The following FOXN3 variants were observed in gnomAD, a reference collection of about 807,000 sequenced individuals.
The protein encoded by FOXN3 is forkhead box protein N3.
Under a neutral mutation model 38.4 loss-of-function variants are expected in FOXN3, and 7 were observed. That is an observed-to-expected ratio of 0.18 (90% confidence interval 0.10 to 0.34). The LOEUF is 0.34. Among genes scored for constraint, FOXN3 ranks in the 10% least tolerant of loss-of-function variants. FOXN3 has a pLI of 1.00. For synonymous variants in FOXN3, 230 were observed against 242.2 expected (o/e 0.95, Z 0.47); for missense variants, 456 against 613.4 (o/e 0.74, Z 2.71).
At chr14:89,491,495 T>C (rs1002615674) in intron 1 of FOXN3, among the ~76,000 whole-genome samples, 1 of 152,172 alleles carries the variant, frequency 6.6e-6, no homozygotes, top group African/African-American at 2.4e-5. Context: ...CTTTCAAGTA[T>C]GGTCAGGGCA....
chr14:89,267,387 G>A (rs1886016460), intron 4 of FOXN3, among the ~76,000 whole-genome samples: 1 of 152,216 alleles, frequency 6.6e-6, no homozygotes. Flanking sequence ...GAAAGACAGG[G>A]AAGCAGCTGC....
At chr14:89,465,259 CTTGCTCT>C (rs1892952957) in intron 1 of FOXN3, among the ~76,000 whole-genome samples, 1 of 152,062 alleles carries the variant, frequency 6.6e-6, no homozygotes, top group South Asian at 2.1e-4. Flanking sequence ...AAGACAGAGT[CTTGCTCT>C]GTTGCCAGGC....
chr14:89,241,942 T>C (rs766652152), intron 4 of FOXN3, among the ~76,000 whole-genome samples: 6 of 152,176 alleles, frequency 3.9e-5, no homozygotes, highest in Non-Finnish European at 5.9e-5. Flanking sequence ...ACGTTTTTTC[T>C]CCATGCTGCT....
intron 3 of FOXN3, among the ~76,000 whole-genome samples, chr14:89,304,678 G>A (rs1290042239): frequency 6.6e-6 from 1 of 152,070 alleles, no homozygotes; most frequent in Non-Finnish European, 1.5e-5. Context: ...TAAGGATAAA[G>A]CAGAGTATGG....
At chr14:89,418,448 C>CT (rs1408200359), upstream of FOXN3, among the ~76,000 whole-genome samples, 1 of 115,170 alleles carries the variant, frequency 8.7e-6, no homozygotes, top group Non-Finnish European at 1.6e-5. Context: ...TTCCCCCTAA[C>CT]AAAGGTTCAA....
chr14:89,275,349 A>G (rs1212627564), intron 4 of FOXN3, among the ~76,000 whole-genome samples: 2 of 152,186 alleles, frequency 1.3e-5, no homozygotes. Flanking sequence ...ATCAAAATCC[A>G]TTCTGACCTA....
chr14:89,190,671 A>C (rs538466564), intron 4 of FOXN3, among the ~76,000 whole-genome samples: 44 of 152,348 alleles, frequency 2.9e-4, no homozygotes, highest in Admixed American at 2.9e-3. Flanking sequence ...ATTTTTCATC[A>C]CACAAGCATG....
intron 1 of FOXN3, among the ~76,000 whole-genome samples, chr14:89,513,444 T>C (rs531781660): frequency 1.3e-5 from 2 of 152,134 alleles, no homozygotes; most frequent in East Asian, 3.9e-4. Flanking sequence ...CTCACTATGT[T>C]GCCCAGGCTG....
At chr14:89,271,549 T>C (rs1245036524) in intron 4 of FOXN3, among the ~76,000 whole-genome samples, 2 of 152,238 alleles carry the variant, frequency 1.3e-5, no homozygotes, top group African/African-American at 2.4e-5. Flanking sequence ...CATCTGTCTA[T>C]CTACTAATAT....
intron 2 of FOXN3, among the ~76,000 whole-genome samples, chr14:89,378,013 C>T (rs1255692001): frequency 6.6e-6 from 1 of 152,204 alleles, no homozygotes. Flanking sequence ...CTGCTGACAC[C>T]TTGATCTTGG....
intron 4 of FOXN3, among the ~76,000 whole-genome samples, chr14:89,213,503 T>G (rs1291771904): frequency 6.6e-6 from 1 of 152,170 alleles, no homozygotes; most frequent in African/African-American, 2.4e-5. Context: ...TGTCCCTCTC[T>G]CCCCTTTTTG....
At position 89,513,905 on chromosome 14, in the gene FOXN3, T is replaced by TACAC. The variant is rs58182379; in HGVS notation, c.-14-101419_-14-101416dup. 4.7e-3 allele frequency among the ~76,000 whole-genome samples: 706 copies of TACAC among 149,602 alleles called. 6 individuals carry two copies. Among genetic ancestry groups the TACAC allele is most frequent in the African/African-American group, 0.016 (651 of 40,488 alleles). ...TCTCTCTTTCCTTCTCTTTCTCTCT[T>TACAC]ACACACACACACACACACACACACG... On this transcript the variant is annotated intron_variant, in intron 1 of 6. Transcript: ENST00000345097.
intron 1 of FOXN3, among the ~76,000 whole-genome samples, chr14:89,579,150 AT>A (rs35744248): frequency 0.46 from 58,104 of 127,320 alleles, 15,150 homozygotes; most frequent in Middle Eastern, 0.62. Context: ...ATGCCCAGCC[AT>A]TTTTTTTTTT....
At chr14:89,334,751 G>A (rs1225099510) in intron 3 of FOXN3, among the ~76,000 whole-genome samples, 1 of 151,678 alleles carries the variant, frequency 6.6e-6, no homozygotes, top group African/African-American at 2.4e-5. Flanking sequence ...TTCTTTGTTT[G>A]TTTTGTTTTG....
chr14:89,349,793 T>C (rs1226008353), intron 3 of FOXN3: 2 of 152,240 alleles, frequency 1.3e-5, no homozygotes, highest in East Asian at 3.8e-4. Context: ...AGGAAAAGAA[T>C]CTGCAAAGAA....
rs1480590775 is a variant in FOXN3, at chr14:89,318,162, C to T, written c.680+32510G>A. On this transcript the variant is annotated intron_variant, in intron 3 of 5. Transcript: ENST00000557258. Reference sequence around the variant, plus strand: ...TTCTTTTCTTTCTTCTTCTTCTTCTCTTTTTTTTTTTTTGAGGCGGAGTTT... The same window carrying T: ...TTCTTTTCTTTCTTCTTCTTCTTCTTTTTTTTTTTTTTTGAGGCGGAGTTT... Among the ~76,000 whole-genome samples the T allele has an allele frequency of 5.3e-4, 67 of 127,476 alleles. 1 individual carries two copies. The highest frequency in any genetic ancestry group is 4.1e-3 in the Middle Eastern group (1 of 246). 83.6% of individuals were successfully genotyped at this position (127,476 alleles called of 152,430 possible). A position where few individuals can be genotyped will look rare whatever the true frequency, so the allele number is the denominator to read the frequency against.
At chr14:89,245,315 G>T (rs1885258119) in intron 4 of FOXN3, among the ~76,000 whole-genome samples, 3 of 152,098 alleles carry the variant, frequency 2.0e-5, no homozygotes, top group Admixed American at 2.0e-4. Context: ...TGACCAAGTG[G>T]ATCATTCTCA....
At chr14:89,455,318 TAG>T (rs1892699371) in intron 1 of FOXN3, among the ~76,000 whole-genome samples, 1 of 152,206 alleles carries the variant, frequency 6.6e-6, no homozygotes, top group South Asian at 2.1e-4. Flanking sequence ...CATCTGGAGT[TAG>T]AGTCAGCCAA....
chr14:89,573,893 G>C (rs993195866), intron 1 of FOXN3, among the ~76,000 whole-genome samples: 1 of 152,006 alleles, frequency 6.6e-6, no homozygotes, highest in African/African-American at 2.4e-5. Flanking sequence ...TAGCAGGCTT[G>C]GTGTGGGGGC....
Sources: allele counts gnomAD v4.1 joint callset (sites outside exome capture counted in the v4.1 genomes callset), GRCh38; gene constraint gnomAD v4.1.1; transcripts MANE v1.5; gene names NCBI Gene and HGNC (gene_info 2026-07-23, HGNC 2026-07-21).